Variants in SNTG2 observed in about 807,000 individuals in gnomAD.
SNTG2 encodes the protein syntrophin gamma 2.
SNTG2 carries 74 observed loss-of-function variants against 70.9 expected under a neutral mutation model. The observed-to-expected ratio is 1.04, with a 90% CI of 0.86 to 1.27. The LOEUF is 1.27. SNTG2 is among the 50% of genes most tolerant of loss of function. The probability of loss-of-function intolerance (pLI) is 0.00; values close to 1 mark genes in which losing one functional copy is unlikely to be tolerated. For synonymous variants in SNTG2, 278 were observed against 273.8 expected, an observed-to-expected ratio of 1.02 and a Z score of -0.15; for missense variants, 717 against 690.7, an observed-to-expected ratio of 1.04 and a Z score of -0.43.
At chr2:1,030,416 G>A (rs929630191) in intron 1 of SNTG2, among the ~76,000 whole-genome samples, 2 of 152,182 alleles carry the variant, frequency 1.3e-5, no homozygotes, top group Non-Finnish European at 2.9e-5. Flanking sequence ...GACACACAGA[G>A]ACACTTGGCC....
chr2:1,306,652 T>C (rs561716999), intron 14 of SNTG2, among the ~76,000 whole-genome samples: 20 of 151,814 alleles, frequency 1.3e-4, no homozygotes, highest in African/African-American at 4.8e-4. Flanking sequence ...ACTTGAGACC[T>C]GACTGGCTCC....
chr2:1,127,472 C>G (rs1667772192), intron 4 of SNTG2, among the ~76,000 whole-genome samples: 1 of 151,970 alleles, frequency 6.6e-6, no homozygotes, highest in Non-Finnish European at 1.5e-5. Flanking sequence ...TTACAATTTT[C>G]TTTTTTATTT....
chr2:969,054 AG>A (rs751045748), intron 1 of SNTG2, among the ~76,000 whole-genome samples: 5 of 152,128 alleles, frequency 3.3e-5, no homozygotes, highest in Admixed American at 2.0e-4. Flanking sequence ...TGGTGAAAGG[AG>A]GGGTCCAGTT....
At chr2:1,176,482 TAAAC>T (rs1671484841) in intron 8 of SNTG2, among the ~76,000 whole-genome samples, 3 of 142,050 alleles carry the variant, frequency 2.1e-5, no homozygotes, top group South Asian at 2.3e-4. Context: ...AATAAAAACT[TAAAC>T]AAAAGTTGAC....
intron 6 of SNTG2, among the ~76,000 whole-genome samples, chr2:1,142,146 A>G (rs1350806117): frequency 1.3e-5 from 2 of 152,200 alleles, no homozygotes; most frequent in African/African-American, 2.4e-5. Context: ...TTACTGTGGT[A>G]AGTCCAGTCT....
intron 16 of SNTG2, among the ~76,000 whole-genome samples, chr2:1,361,928 T>A (rs184805660): frequency 0.011 from 1,077 of 96,580 alleles, 76 homozygotes; most frequent in African/African-American, 0.038. Context: ...CGCTGAGCAT[T>A]TCAGTAGAAC....
chr2:1,351,393 G>A (rs1660564531), intron 16 of SNTG2, among the ~76,000 whole-genome samples: 1 of 152,120 alleles, frequency 6.6e-6, no homozygotes, highest in South Asian at 2.1e-4. Context: ...TCCATTATTT[G>A]CTGAAGGGGA....
At chr2:1,143,894 C>CA (rs1553338050) in intron 6 of SNTG2, among the ~76,000 whole-genome samples, 4 of 144,252 alleles carry the variant, frequency 2.8e-5, no homozygotes, top group African/African-American at 8.2e-5. Flanking sequence ...AACCCCCCCC[C>CA]AGAAAAAGAA....
intron 4 of SNTG2, among the ~76,000 whole-genome samples, chr2:1,127,785 T>C (rs963971758): frequency 2.6e-5 from 4 of 152,188 alleles, no homozygotes; most frequent in Non-Finnish European, 5.9e-5. Context: ...TAGAACACTA[T>C]TGATTTCTGT....
intron 1 of SNTG2, among the ~76,000 whole-genome samples, chr2:955,936 G>A (rs947098966): frequency 5.9e-5 from 9 of 152,120 alleles, no homozygotes; most frequent in Non-Finnish European, 1.2e-4. Flanking sequence ...CACTGTCTCC[G>A]GCCCTGCCTC....
chr2:1,130,068 A>C (rs933989176), intron 4 of SNTG2, among the ~76,000 whole-genome samples: 7 of 152,176 alleles, frequency 4.6e-5, no homozygotes, highest in African/African-American at 1.7e-4. Flanking sequence ...TTGGCCAAAA[A>C]ACTTAAAAGC....
At chr2:1,005,092 A>C (rs1432705626) in intron 1 of SNTG2, among the ~76,000 whole-genome samples, 2 of 152,246 alleles carry the variant, frequency 1.3e-5, no homozygotes, top group Non-Finnish European at 2.9e-5. Flanking sequence ...AAAAGGCTGC[A>C]GACTGCATGA....
intron 14 of SNTG2, among the ~76,000 whole-genome samples, chr2:1,268,529 C>T (rs922362041): frequency 2.0e-5 from 3 of 152,174 alleles, no homozygotes; most frequent in African/African-American, 4.8e-5. Flanking sequence ...TGTTTATTCT[C>T]ATTTATCCCA....
chr2:1,300,359 C>T (rs191504417), intron 14 of SNTG2, among the ~76,000 whole-genome samples: 4 of 152,346 alleles, frequency 2.6e-5, no homozygotes, highest in East Asian at 1.9e-4. Flanking sequence ...GGTCTCCTTC[C>T]ACAATCCAGT....
At chr2:1,132,189 ATATG>A (rs1273453111) in intron 4 of SNTG2, among the ~76,000 whole-genome samples, 1 of 151,856 alleles carries the variant, frequency 6.6e-6, no homozygotes, top group Non-Finnish European at 1.5e-5. Context: ...ATCTCCATAT[ATATG>A]TGTGTGTATA....
At chr2:1,277,697 A>T (rs1679324017) in intron 14 of SNTG2, among the ~76,000 whole-genome samples, 1 of 152,234 alleles carries the variant, frequency 6.6e-6, no homozygotes, top group Admixed American at 6.5e-5. Context: ...CATCCAAACC[A>T]TAGCAGGGAG....
chr2:1,185,355 C>T, intron 8 of SNTG2, among the ~76,000 whole-genome samples: 1 of 152,140 alleles, frequency 6.6e-6, no homozygotes, highest in East Asian at 1.9e-4. Context: ...GGATGGTAGC[C>T]TTCTTCTCAC....
At chr2:960,318 C>A (rs1263602872) in intron 1 of SNTG2, among the ~76,000 whole-genome samples, 1 of 152,224 alleles carries the variant, frequency 6.6e-6, no homozygotes, top group Non-Finnish European at 1.5e-5. Context: ...CTTCTGGGCC[C>A]CACAGTTCTC....
intron 1 of SNTG2, among the ~76,000 whole-genome samples, chr2:1,022,420 C>T (rs772356455): frequency 6.6e-6 from 1 of 151,880 alleles, no homozygotes; most frequent in African/African-American, 2.4e-5. Context: ...TTCTCGTTAG[C>T]CCCTGCATTG....
Sources: allele counts gnomAD v4.1 joint callset (sites outside exome capture counted in the v4.1 genomes callset), GRCh38; gene constraint gnomAD v4.1.1; transcripts MANE v1.5; gene names NCBI Gene and HGNC (gene_info 2026-07-23, HGNC 2026-07-21).